Variants in CD163L1 observed in about 807,000 individuals in gnomAD.
The protein encoded by CD163L1 is scavenger receptor cysteine-rich type 1 protein M160.
Under a neutral mutation model 165.4 loss-of-function variants are expected in CD163L1, and 124 were observed. The ratio of observed to expected loss-of-function variants is 0.75; its 90% CI spans 0.65 to 0.87. The LOEUF (loss-of-function observed/expected upper bound fraction) is 0.87, where lower values mean the gene tolerates loss of function less well. Among genes scored for constraint, CD163L1 ranks in the 40% least tolerant of loss-of-function variants. The pLI, the probability that CD163L1 is intolerant of heterozygous loss-of-function variation, is 0.00. For synonymous variants in CD163L1, 585 were observed against 662.2 expected (o/e 0.88, Z 1.79); for missense variants, 1,525 against 1,799.9 (o/e 0.85, Z 2.76).
In CD163L1 at chr12:7,369,238, T is replaced by C. The variant is rs1947092422; in HGVS notation, c.4039+119A>G. On this transcript the variant is annotated intron_variant, in intron 15 of 19. Transcript: ENST00000313599. This position sits in a 1 kb window ranked among gnomAD's most constrained non-coding sequence, Gnocchi z 4.9. Reference sequence around the variant, plus strand: ...GGAAAAACGTTAGTTTAACATAGCCTTTCATTCTTCAACAAGAAATCCTAG... The same window carrying C: ...GGAAAAACGTTAGTTTAACATAGCCCTTCATTCTTCAACAAGAAATCCTAG... 4 of 1,164,470 alleles carry C rather than the reference T, an allele frequency of 3.4e-6. No individual in the cohort carries two copies. The African/African-American group carries it at 6.1e-5, about 18-fold the overall frequency. 72.1% of individuals were successfully genotyped at this position (1,164,470 alleles called of 1,614,324 possible).
the CD163L1 span, among the ~76,000 whole-genome samples, chr12:7,330,719 T>C: frequency 1.3e-5 from 2 of 152,080 alleles, no homozygotes; most frequent in Non-Finnish European, 2.9e-5. Context: ...TCCAGGTGGG[T>C]TATATAGCAA....
At chr12:7,336,495 C>A in the CD163L1 span, among the ~76,000 whole-genome samples, 1 of 152,072 alleles carries the variant, frequency 6.6e-6, no homozygotes, top group East Asian at 1.9e-4. Flanking sequence ...ACATCACACA[C>A]TGGGGACTGT....
intron 4 of CD163L1, among the ~76,000 whole-genome samples, chr12:7,429,035 G>C (rs1183196464): frequency 6.6e-6 from 1 of 151,932 alleles, no homozygotes; most frequent in Non-Finnish European, 1.5e-5. Context: ...TGCCAAAATT[G>C]TTGAACATAA....
the CD163L1 span, among the ~76,000 whole-genome samples, chr12:7,333,122 G>C: frequency 6.6e-6 from 1 of 152,226 alleles, no homozygotes; most frequent in African/African-American, 2.4e-5. Context: ...ATTGAACTCA[G>C]CTCTGCACCA....
At chr12:7,365,564 G>GA (rs1565773125) in intron 18 of CD163L1, among the ~76,000 whole-genome samples, 2 of 151,768 alleles carry the variant, frequency 1.3e-5, no homozygotes, top group African/African-American at 2.4e-5. Flanking sequence ...CAACTCAATA[G>GA]AAAAAAACCA....
At chr12:7,360,412 G>T (rs1017565158) in intron 18 of CD163L1, among the ~76,000 whole-genome samples, 1 of 151,992 alleles carries the variant, frequency 6.6e-6, no homozygotes, top group African/African-American at 2.4e-5. Context: ...CAAAGTGCTG[G>T]GATTACAGGC....
chr12:7,432,884 T>G lies in CD163L1; in HGVS notation c.446-148A>C. The G allele has an allele frequency of 1.9e-5, 12 of 637,404 alleles. No individual in the cohort carries two copies. The highest frequency in any genetic ancestry group is 3.0e-5 in the Non-Finnish European group (12 of 402,756). The allele number at this position is 637,404 out of a possible 1,614,324, so 39.5% of individuals were successfully genotyped here. A position where few individuals can be genotyped will look rare whatever the true frequency, so the allele number is the denominator to read the frequency against. ...ACTGAAAATACTTATAGGAGGGGTA[T>G]GTGAGGCTTTTTTCTAAACACAAAT... On this transcript the variant is annotated intron_variant, in intron 3 of 19. Coordinates refer to ENST00000313599, the MANE Select transcript of CD163L1 (RefSeq NM_174941.6). The surrounding 1 kb of genome is among the most constrained non-coding windows in gnomAD (Gnocchi z 4.2).
intron 2 of CD163L1, chr12:7,439,742 A>G (rs1948788407): frequency 1.9e-6 from 3 of 1,611,628 alleles, no homozygotes; most frequent in African/African-American, 2.7e-5. Flanking sequence ...TCCGATGTAT[A>G]GCCTTTCCAG....
At chr12:7,353,433 T>A (rs7309359), downstream of CD163L1, among the ~76,000 whole-genome samples, 1 of 149,846 alleles carries the variant, frequency 6.7e-6, no homozygotes, top group African/African-American at 2.4e-5. Flanking sequence ...CCAATGAAAC[T>A]TAAGGAAGAC....
intron 14 of CD163L1, among the ~76,000 whole-genome samples, chr12:7,371,232 G>A (rs910499791): frequency 2.0e-5 from 3 of 152,156 alleles, no homozygotes; most frequent in Non-Finnish European, 4.4e-5. Flanking sequence ...TTAGCAGCAT[G>A]AGAACTGACT....
chr12:7,376,419 C>G (rs1947273424), intron 9 of CD163L1, among the ~76,000 whole-genome samples: 1 of 152,132 alleles, frequency 6.6e-6, no homozygotes, highest in African/African-American at 2.4e-5. Context: ...AATTTATAAA[C>G]AACAAAAAAA....
At chr12:7,336,952 G>C in the CD163L1 span, among the ~76,000 whole-genome samples, 2 of 152,076 alleles carry the variant, frequency 1.3e-5, no homozygotes, top group Non-Finnish European at 2.9e-5. Context: ...AAAATAGCAT[G>C]GTAATGGTAC....
intron 14 of CD163L1, among the ~76,000 whole-genome samples, chr12:7,371,844 T>C (rs1215489040): frequency 1.3e-5 from 2 of 151,808 alleles, no homozygotes; most frequent in Non-Finnish European, 2.9e-5. Context: ...GGAGCACAAA[T>C]ATGCAAGCAT....
At chr12:7,327,143 T>C in the CD163L1 span, 11 of 1,526,656 alleles carry the variant, frequency 7.2e-6, no homozygotes, top group Non-Finnish European at 9.7e-6. Context: ...CAAACTAGGG[T>C]CTAAGCTAGA....
At chr12:7,440,000 C>T (rs1015230323) in intron 2 of CD163L1, 2 of 1,520,622 alleles carry the variant, frequency 1.3e-6, no homozygotes, top group Middle Eastern at 2.2e-4. Flanking sequence ...CTAGCAGCTC[C>T]GCAAACCGCC....
chr12:7,421,458 T>C (rs1327747481), intron 4 of CD163L1, among the ~76,000 whole-genome samples: 3 of 91,864 alleles, frequency 3.3e-5, no homozygotes, highest in East Asian at 3.7e-4. Context: ...TATATGTACA[T>C]ATATACATAT....
At chr12:7,375,045 T>C (rs1413538590) in intron 11 of CD163L1, 122 bp from the exon 12 acceptor site, 7 of 965,780 alleles carry the variant, frequency 7.2e-6, no homozygotes, top group South Asian at 3.1e-5. Flanking sequence ...CTGTCGTCTA[T>C]TGAAATCATT....
At chr12:7,411,135 G>A (rs771834493) in intron 4 of CD163L1, among the ~76,000 whole-genome samples, 3 of 151,922 alleles carry the variant, frequency 2.0e-5, no homozygotes, top group South Asian at 4.2e-4. Flanking sequence ...ATAAAACATG[G>A]AACAATACCT....
At chr12:7,348,811 A>ATT (rs1336705268) in intron 4 of CD163L1, among the ~76,000 whole-genome samples, 1 of 109,870 alleles carries the variant, frequency 9.1e-6, no homozygotes, top group African/African-American at 3.8e-5. Context: ...AGTCCTTGTT[A>ATT]TGTTTTTTTT....
Sources: allele counts gnomAD v4.1 joint callset (sites outside exome capture counted in the v4.1 genomes callset), GRCh38; gene constraint gnomAD v4.1.1; non-coding constraint Gnocchi (gnomAD v3.1); transcripts MANE v1.5; gene names NCBI Gene and HGNC (gene_info 2026-07-23, HGNC 2026-07-21).